Variants in KLHL1 observed in about 807,000 individuals in gnomAD.
KLHL1 encodes the protein kelch-like protein 1.
KLHL1 carries 47 observed loss-of-function variants against 77.7 expected under a neutral mutation model. The ratio of observed to expected loss-of-function variants is 0.60; its 90% CI spans 0.48 to 0.77. The LOEUF is 0.77. Among genes scored for constraint, KLHL1 ranks in the 30% least tolerant of loss-of-function variants. The probability of loss-of-function intolerance (pLI) is 0.00; values close to 1 mark genes in which losing one functional copy is unlikely to be tolerated. For synonymous variants in KLHL1, 360 were observed against 325.2 expected, an observed-to-expected ratio of 1.11 and a Z score of -1.15; for missense variants, 925 against 910.8, an observed-to-expected ratio of 1.02 and a Z score of -0.20.
intron 1 of KLHL1, among the ~76,000 whole-genome samples, chr13:70,066,122 G>T (rs1355318694): frequency 6.6e-6 from 1 of 152,058 alleles, no homozygotes; most frequent in Non-Finnish European, 1.5e-5. Context: ...GCAACACAAG[G>T]GTTTGCAAAT....
intron 1 of KLHL1, among the ~76,000 whole-genome samples, chr13:70,015,316 C>T (rs1434851348): frequency 1.3e-5 from 2 of 151,934 alleles, no homozygotes; most frequent in Non-Finnish European, 2.9e-5. Context: ...ATACTGTGGG[C>T]AATTTTAATA....
At chr13:69,868,996 G>A (rs954554637) in intron 5 of KLHL1, among the ~76,000 whole-genome samples, 1 of 151,970 alleles carries the variant, frequency 6.6e-6, no homozygotes, top group Non-Finnish European at 1.5e-5. Flanking sequence ...TTTTAATTAT[G>A]AAAAAATCAA....
Position 69,837,656 on chromosome 13 carries a change from A to ATGTG in KLHL1, c.1414+1316_1414+1319dup, listed in dbSNP as rs1555272487. Among the ~76,000 whole-genome samples, 1,042 of 137,106 alleles carry ATGTG rather than the reference A, an allele frequency of 7.6e-3. 50 individuals are homozygous for ATGTG. Among genetic ancestry groups the ATGTG allele is most frequent in the African/African-American group, 0.017 (606 of 34,702 alleles). The allele number at this position is 137,106 out of a possible 152,430, so 89.9% of individuals were successfully genotyped here. A position where few individuals can be genotyped will look rare whatever the true frequency, so the allele number is the denominator to read the frequency against. On this transcript the variant is annotated intron_variant, in intron 6 of 10. Transcript: ENST00000377844. ...TATATATATATATGTGTATATATAT[A>ATGTG]TGTGTGTGTGTGTGTATATATATAT...
At chr13:69,880,789 C>A (rs762943888) in intron 5 of KLHL1, among the ~76,000 whole-genome samples, 2 of 152,076 alleles carry the variant, frequency 1.3e-5, no homozygotes, top group African/African-American at 4.8e-5. Context: ...ATGTGTCCTA[C>A]TATTTCTGAT....
chr13:69,748,383 A>G (rs959709301), intron 7 of KLHL1, among the ~76,000 whole-genome samples: 14 of 152,178 alleles, frequency 9.2e-5, no homozygotes, highest in Middle Eastern at 3.4e-3. Context: ...CACTTCTTAC[A>G]TGGTGGCAGC....
intron 1 of KLHL1, among the ~76,000 whole-genome samples, chr13:70,063,256 C>CT (rs902597366): frequency 6.6e-6 from 1 of 152,112 alleles, no homozygotes; most frequent in African/African-American, 2.4e-5. Context: ...CCAAAACTGT[C>CT]TTTTTTTCTA....
At chr13:69,921,116 G>A (rs1363315054) in intron 4 of KLHL1, among the ~76,000 whole-genome samples, 1 of 152,130 alleles carries the variant, frequency 6.6e-6, no homozygotes, top group African/African-American at 2.4e-5. Flanking sequence ...CCAGTAGAGA[G>A]TTAAACAGAG....
At chr13:70,031,221 C>T (rs184824788) in intron 1 of KLHL1, among the ~76,000 whole-genome samples, 206 of 152,232 alleles carry the variant, frequency 1.4e-3, no homozygotes, top group Non-Finnish European at 3.1e-4. Context: ...TAAGAAGCAT[C>T]GCAAGGATCA....
At chr13:69,702,394 G>A (rs532956416) in intron 10 of KLHL1, among the ~76,000 whole-genome samples, 1 of 151,598 alleles carries the variant, frequency 6.6e-6, no homozygotes, top group Non-Finnish European at 1.5e-5. Flanking sequence ...TTTTTACAGA[G>A]TTTGTAATGA....
chr13:69,884,559 G>A (rs1653477385), intron 4 of KLHL1, among the ~76,000 whole-genome samples: 1 of 151,920 alleles, frequency 6.6e-6, no homozygotes, highest in South Asian at 2.1e-4. Flanking sequence ...TCTATAGCTA[G>A]GCCATCAAAA....
rs148213516 is a variant in KLHL1, at chr13:70,016,614, C to T, written c.498-40812G>A. On this transcript the variant is annotated intron_variant, in intron 1 of 10. Transcript: ENST00000377844. ...TCAGCCCCCTCTGAATTTTGGGCAC[C>T]GATGAGGATCGAAGGGAGGCTGAGA... Among the ~76,000 whole-genome samples the T allele has an allele frequency of 6.4e-4, 97 of 152,310 alleles. 1 individual carries two copies. The highest frequency in any genetic ancestry group is 2.1e-3 in the African/African-American group (88 of 41,578).
chr13:69,963,103 C>G (rs1186665874), intron 2 of KLHL1, among the ~76,000 whole-genome samples: 1 of 151,990 alleles, frequency 6.6e-6, no homozygotes, highest in Non-Finnish European at 1.5e-5. Context: ...TTTCTGTTGT[C>G]TAGGATGTTG....
chr13:70,028,858 G>C (rs565811553), intron 1 of KLHL1, among the ~76,000 whole-genome samples: 1 of 151,980 alleles, frequency 6.6e-6, no homozygotes, highest in East Asian at 1.9e-4. Context: ...ATACCTGTAG[G>C]CTCAACTACT....
At chr13:69,730,319 A>C (rs922826367) in intron 8 of KLHL1, among the ~76,000 whole-genome samples, 1 of 151,728 alleles carries the variant, frequency 6.6e-6, no homozygotes, top group Non-Finnish European at 1.5e-5. Context: ...AAATAATGTA[A>C]AAAGTGAATA....
intron 5 of KLHL1, among the ~76,000 whole-genome samples, chr13:69,877,749 C>T (rs1364005982): frequency 3.9e-5 from 6 of 152,104 alleles, no homozygotes; most frequent in African/African-American, 9.7e-5. Context: ...CAGAGAGCAA[C>T]AGTGTTGCTT....
At chr13:69,855,647 T>C (rs545903589) in intron 5 of KLHL1, among the ~76,000 whole-genome samples, 62 of 151,670 alleles carry the variant, frequency 4.1e-4, no homozygotes, top group African/African-American at 1.4e-3. Flanking sequence ...TTTTCCTTCC[T>C]GCCGCCTCGT....
chr13:70,100,713 ATCTTT>A (rs1294663389), intron 1 of KLHL1, among the ~76,000 whole-genome samples: 2 of 152,324 alleles, frequency 1.3e-5, no homozygotes, highest in Middle Eastern at 3.4e-3. Flanking sequence ...TCTTCATCAG[ATCTTT>A]TCTTTAAAGT....
chr13:69,950,799 A>T (rs1327247845), intron 3 of KLHL1, among the ~76,000 whole-genome samples: 1 of 151,612 alleles, frequency 6.6e-6, no homozygotes, highest in Non-Finnish European at 1.5e-5. Context: ...TTTCAGATTT[A>T]AATATTCTGT....
chr13:69,939,378 T>TATATGCAC (rs1200160699), intron 4 of KLHL1, among the ~76,000 whole-genome samples: 1 of 70,822 alleles, frequency 1.4e-5, no homozygotes, highest in Non-Finnish European at 2.7e-5. Flanking sequence ...TATATATATA[T>TATATGCAC]ACACACACAC....
Sources: gnomAD v4.1 joint callset for allele counts (sites outside exome capture counted in the v4.1 genomes callset) on GRCh38, gnomAD v4.1.1 for gene constraint, MANE v1.5 for transcripts, NCBI Gene and HGNC (gene_info 2026-07-23, HGNC 2026-07-21) for gene names.